Variants in DMD observed in about 807,000 individuals in gnomAD.
DMD encodes dystrophin, also known as mutant dystrophin.
Under a neutral mutation model 330.1 loss-of-function variants are expected in DMD, and 63 were observed. The observed-to-expected ratio is 0.19, with a 90% CI of 0.16 to 0.24. The LOEUF (loss-of-function observed/expected upper bound fraction) is 0.24, where lower values mean the gene tolerates loss of function less well. DMD is among the 10% of genes least tolerant of loss of function. DMD has a pLI of 1.00. For synonymous variants in DMD, 1,223 were observed against 959.8 expected (o/e 1.27, Z -5.07); for missense variants, 3,344 against 2,684.1 (o/e 1.25, Z -5.43).
chrX:31,296,857 C>T (rs779986123), intron 62 of DMD, among the ~76,000 whole-genome samples: 1 of 111,566 alleles, frequency 9.0e-6, no homozygotes, highest in South Asian at 3.8e-4. Context: ...GGATTGGTAC[C>T]ACTCTAAATT....
chrX:32,333,284 T>A (rs2097689860), intron 41 of DMD, among the ~76,000 whole-genome samples: 1 of 111,973 alleles, frequency 8.9e-6, no homozygotes, highest in South Asian at 3.7e-4. Flanking sequence ...TAAAGGGAAT[T>A]TTATGCTAGT....
At chrX:32,967,603 T>G (rs747805865) in intron 2 of DMD, among the ~76,000 whole-genome samples, 5 of 111,376 alleles carry the variant, frequency 4.5e-5, no homozygotes, top group African/African-American at 1.6e-4. Flanking sequence ...TCAGAGAAAG[T>G]CTTCAGGTGC....
intron 7 of DMD, among the ~76,000 whole-genome samples, chrX:32,804,191 A>G (rs1398655186): frequency 1.8e-5 from 2 of 111,601 alleles, no homozygotes; most frequent in African/African-American, 6.5e-5. Context: ...CAGCAGATCC[A>G]ACGCCCACGG....
intron 1 of DMD, among the ~76,000 whole-genome samples, chrX:33,278,318 G>T (rs1388099059): frequency 9.0e-6 from 1 of 110,825 alleles, no homozygotes; most frequent in African/African-American, 3.3e-5. Flanking sequence ...TAGCTTTTCA[G>T]CCTTTGCCCC....
At chrX:33,264,712 GTT>G (rs66703036) in intron 1 of DMD, among the ~76,000 whole-genome samples, 2 of 105,738 alleles carry the variant, frequency 1.9e-5, no homozygotes, top group South Asian at 4.2e-4. Flanking sequence ...AAAGATAAAG[GTT>G]TTTTTTTTAC....
Position 32,045,306 on chromosome X carries a change from G to C in DMD, c.6439-76792C>G, listed in dbSNP as rs151151903. 6.1e-3 allele frequency among the ~76,000 whole-genome samples: 648 copies of C among 107,060 alleles called. 5 individuals carry two copies. Among genetic ancestry groups the C allele is most frequent in the African/African-American group, 0.021 (622 of 29,090 alleles). 93.0% of individuals were successfully genotyped at this position (107,060 alleles called of 115,157 possible). A position where few individuals can be genotyped will look rare whatever the true frequency, so the allele number is the denominator to read the frequency against. On this transcript the variant is annotated intron_variant, in intron 44 of 78. Transcript: ENST00000357033. ...GGTGGATCCCTCACAGCTTGATGCT[G>C]TCCTCATGATAGCAGCTGAGTTCTT...
At chrX:32,091,918 C>T (rs1424606085) in intron 44 of DMD, among the ~76,000 whole-genome samples, 1 of 111,401 alleles carries the variant, frequency 9.0e-6, no homozygotes, top group Non-Finnish European at 1.9e-5. Flanking sequence ...AAAGTGAGAT[C>T]TGATAATTTA....
At chrX:33,268,644 A>G (rs1210197012) in intron 1 of DMD, among the ~76,000 whole-genome samples, 1 of 111,963 alleles carries the variant, frequency 8.9e-6, no homozygotes, top group Non-Finnish European at 1.9e-5. Flanking sequence ...AAGTCAAGAA[A>G]GGCTGAGTGC....
intron 15 of DMD, 79 bp from the exon 16 acceptor site, chrX:32,565,960 T>C: frequency 2.2e-6 from 2 of 907,225 alleles, no homozygotes; most frequent in Non-Finnish European, 3.1e-6. Context: ...CTTTTGCGTG[T>C]ATTTGCTCAT....
At chrX:32,525,360 C>A (rs918662429) in intron 17 of DMD, among the ~76,000 whole-genome samples, 2 of 111,117 alleles carry the variant, frequency 1.8e-5, no homozygotes, top group Non-Finnish European at 3.8e-5. Context: ...CAGTGGATAG[C>A]CTCATCTCTT....
Position 31,962,441 on chromosome X carries a change from C to G in DMD, c.6614+5898G>C, listed in dbSNP as rs544318182. On this transcript the variant is annotated intron_variant, in intron 45 of 78. Coordinates refer to ENST00000357033, the MANE Select transcript of DMD (RefSeq NM_004006.3). Reference sequence around the variant, plus strand: ...ATGAATCACTTGGAAACTTGGAAATCTTATTAAAAATGCTGACTGTTATTT... The same window carrying G: ...ATGAATCACTTGGAAACTTGGAAATGTTATTAAAAATGCTGACTGTTATTT... Among the ~76,000 whole-genome samples the G allele has an allele frequency of 1.3e-4, 14 of 111,879 alleles. No individual in the cohort carries two copies. In the South Asian group the frequency reaches 4.8e-3, roughly 39 times the overall value.
At chrX:31,609,518 C>CGT (rs74965499) in intron 55 of DMD, among the ~76,000 whole-genome samples, 39 of 109,657 alleles carry the variant, frequency 3.6e-4, no homozygotes, top group Middle Eastern at 4.8e-3. Context: ...CGTGTGTGTG[C>CGT]GTGTGTGTGT....
chrX:32,220,915 A>T (rs1393566350), intron 43 of DMD, among the ~76,000 whole-genome samples: 1 of 111,794 alleles, frequency 8.9e-6, no homozygotes, highest in East Asian at 2.8e-4. Context: ...GGGCAAAAAA[A>T]TGTCAGTATA....
At chrX:32,857,692 C>CA (rs978566915) in intron 2 of DMD, among the ~76,000 whole-genome samples, 3 of 111,261 alleles carry the variant, frequency 2.7e-5, no homozygotes, top group Non-Finnish European at 5.7e-5. Flanking sequence ...GCTGTTTATT[C>CA]AAAAAGAGGA....
chrX:32,512,396 G>A (rs1204983231), intron 18 of DMD, among the ~76,000 whole-genome samples: 2 of 112,144 alleles, frequency 1.8e-5, no homozygotes, highest in Non-Finnish European at 3.8e-5. Context: ...TGTTTATTCA[G>A]AAGTTGTTCT....
intron 39 of DMD, 130 bp downstream of exon 39, chrX:32,345,813 C>T (rs1488183093): frequency 1.6e-6 from 1 of 642,601 alleles, no homozygotes; most frequent in East Asian, 3.7e-5. Flanking sequence ...ATAAAGCATA[C>T]ACATTGAACA....
chrX:31,209,740 A>C (rs1168668824), intron 64 of DMD, 41 bp from the exon 65 acceptor site: 2 of 1,153,103 alleles, frequency 1.7e-6, no homozygotes, highest in African/African-American at 3.6e-5. Flanking sequence ...TCAAAGAGTA[A>C]AACCTTCCTT....
intron 55 of DMD, among the ~76,000 whole-genome samples, chrX:31,515,987 C>G (rs1448684809): frequency 1.8e-5 from 2 of 111,296 alleles, no homozygotes; most frequent in Admixed American, 1.9e-4. Context: ...GTAGAACTCC[C>G]TTAGACTGGT....
At chrX:31,189,472 A>T (rs1174085018) in intron 67 of DMD, among the ~76,000 whole-genome samples, 1 of 111,405 alleles carries the variant, frequency 9.0e-6, no homozygotes, top group African/African-American at 3.3e-5. Flanking sequence ...ATTTGGTTGA[A>T]AACGATCCAC....
Sources: allele counts gnomAD v4.1 joint callset (sites outside exome capture counted in the v4.1 genomes callset), GRCh38; gene constraint gnomAD v4.1.1; transcripts MANE v1.5; gene names NCBI Gene and HGNC (gene_info 2026-07-23, HGNC 2026-07-21).